The following GLIS3 variants were observed in gnomAD, a reference collection of about 807,000 sequenced individuals.
GLIS3 encodes zinc finger protein GLIS3.
GLIS3 carries 53 observed loss-of-function variants against 78.6 expected under a neutral mutation model. That is an observed-to-expected ratio of 0.67 (90% CI 0.54 to 0.85). GLIS3 has a LOEUF of 0.85. Among genes scored for constraint, GLIS3 ranks in the 40% least tolerant of loss-of-function variants. GLIS3 has a pLI of 0.00. For missense variants in GLIS3, 1,703 were observed against 1,231.1 expected (o/e 1.38, Z -5.74); for synonymous variants, 684 against 509.9 (o/e 1.34, Z -4.60).
chr9:3,939,799 C>T (rs1182755907), intron 4 of GLIS3, among the ~76,000 whole-genome samples: 2 of 152,060 alleles, frequency 1.3e-5, no homozygotes, highest in South Asian at 2.1e-4. Context: ...TAGTCAGGGG[C>T]TCATAACATA....
intron 6 of GLIS3, among the ~76,000 whole-genome samples, chr9:3,915,872 G>A (rs181634098): frequency 1.5e-4 from 23 of 152,212 alleles, no homozygotes; most frequent in African/African-American, 5.3e-4. Flanking sequence ...CTGAGGGAAG[G>A]AAAAATGCCA....
chr9:4,151,111 T>A (rs189735978), intron 2 of GLIS3: 1 of 152,106 alleles, frequency 6.6e-6, no homozygotes, highest in African/African-American at 2.4e-5. Context: ...AAAAGCGACA[T>A]AGAGATGCCT....
intron 2 of GLIS3, among the ~76,000 whole-genome samples, chr9:4,191,089 G>C (rs1006723095): frequency 2.0e-5 from 3 of 151,524 alleles, no homozygotes; most frequent in African/African-American, 4.8e-5. Context: ...ATGCCAAAAT[G>C]TAAATACCAT....
At chr9:4,462,620 C>CACACAG in the GLIS3 span, among the ~76,000 whole-genome samples, 1 of 142,412 alleles carries the variant, frequency 7.0e-6, no homozygotes, top group Non-Finnish European at 1.6e-5. Context: ...CACACACACA[C>CACACAG]ACACACACAC....
intron 2 of GLIS3, among the ~76,000 whole-genome samples, chr9:4,253,273 T>G (rs1378277798): frequency 1.3e-5 from 2 of 152,216 alleles, no homozygotes; most frequent in Non-Finnish European, 2.9e-5. Flanking sequence ...TACAAGCCCC[T>G]GACTGGGGCT....
chr9:4,336,557 T>C (rs113722104), intron 2 of GLIS3, among the ~76,000 whole-genome samples: 14 of 152,286 alleles, frequency 9.2e-5, no homozygotes, highest in African/African-American at 3.1e-4. Context: ...ACTGAATATA[T>C]AGTTTCCGTT....
chr9:3,907,154 A>G (rs1160671527), intron 6 of GLIS3, among the ~76,000 whole-genome samples: 1 of 152,190 alleles, frequency 6.6e-6, no homozygotes, highest in Non-Finnish European at 1.5e-5. Flanking sequence ...CTGTGATTGG[A>G]CATGTGCACT....
At chr9:4,456,033 G>T in the GLIS3 span, among the ~76,000 whole-genome samples, 1 of 152,096 alleles carries the variant, frequency 6.6e-6, no homozygotes, top group Non-Finnish European at 1.5e-5. Flanking sequence ...GCTCGAACCT[G>T]GGAGGGAGAG....
At chr9:4,174,721 A>G (rs1405926854) in intron 2 of GLIS3, among the ~76,000 whole-genome samples, 1 of 152,206 alleles carries the variant, frequency 6.6e-6, no homozygotes, top group Non-Finnish European at 1.5e-5. Context: ...CCCGTGCTGC[A>G]GTTGCTTCAT....
chr9:4,423,049 G>A, the GLIS3 span, among the ~76,000 whole-genome samples: 1 of 152,048 alleles, frequency 6.6e-6, no homozygotes, highest in South Asian at 2.1e-4. Flanking sequence ...AGCAGCAGTG[G>A]GGACATGGAT....
chr9:4,219,149 C>A (rs1033985487), intron 2 of GLIS3, among the ~76,000 whole-genome samples: 42 of 152,230 alleles, frequency 2.8e-4, no homozygotes, highest in South Asian at 4.1e-4. Flanking sequence ...ATGCTTTGAG[C>A]TTCTGAACCT....
At chr9:4,467,867 T>A in the GLIS3 span, among the ~76,000 whole-genome samples, 6 of 151,936 alleles carry the variant, frequency 3.9e-5, no homozygotes, top group African/African-American at 7.3e-5. Context: ...ATCAAACCCA[T>A]CACAAAGAAG....
chr9:4,326,789 G>T (rs941026078), intron 2 of GLIS3, among the ~76,000 whole-genome samples: 2 of 152,124 alleles, frequency 1.3e-5, no homozygotes, highest in Non-Finnish European at 2.9e-5. Flanking sequence ...GGCTGGAAGT[G>T]CCTGCGAAGG....
intron 2 of GLIS3, among the ~76,000 whole-genome samples, chr9:4,319,964 A>G (rs895745477): frequency 1.1e-4 from 17 of 151,104 alleles, no homozygotes; most frequent in Non-Finnish European, 2.4e-4. Flanking sequence ...TGGTCCTTAC[A>G]GTAGGTTAGT....
chr9:4,458,649 A>G, the GLIS3 span, among the ~76,000 whole-genome samples: 1 of 152,060 alleles, frequency 6.6e-6, no homozygotes, highest in Non-Finnish European at 1.5e-5. Context: ...TTAGCTGGGC[A>G]TGGTGGCGCA....
chr9:4,409,641 A>G, the GLIS3 span, among the ~76,000 whole-genome samples: 1 of 152,218 alleles, frequency 6.6e-6, no homozygotes, highest in Admixed American at 6.5e-5. Flanking sequence ...AATTCTAGTA[A>G]TTTCAAACAA....
At chr9:4,471,384 C>T in the GLIS3 span, among the ~76,000 whole-genome samples, 1 of 152,156 alleles carries the variant, frequency 6.6e-6, no homozygotes, top group Admixed American at 6.5e-5. Context: ...ACCAAAACAG[C>T]ATGGTACTGG....
chr9:4,232,349 C>T (rs1312989274), intron 2 of GLIS3, among the ~76,000 whole-genome samples: 1 of 135,520 alleles, frequency 7.4e-6, no homozygotes, highest in African/African-American at 2.8e-5. Flanking sequence ...CCTCTGTACT[C>T]AAGCCTGGGT....
At chr9:3,829,220 G>A in intron 10 of GLIS3, 90 bp downstream of exon 10, 17 of 1,100,402 alleles carry the variant, frequency 1.5e-5, no homozygotes, top group Non-Finnish European at 2.4e-5. Context: ...CATGTGCTTG[G>A]TCACGTCCAG....
Sources: gnomAD v4.1 joint callset for allele counts (sites outside exome capture counted in the v4.1 genomes callset) on GRCh38, gnomAD v4.1.1 for gene constraint, MANE v1.5 for transcripts, NCBI Gene and HGNC (gene_info 2026-07-23, HGNC 2026-07-21) for gene names.